The following CTNNA2 variants were observed in gnomAD, a reference collection of about 807,000 sequenced individuals.
CTNNA2 encodes the protein catenin alpha-2.
In CTNNA2, 42 loss-of-function variants were observed where a neutral mutation model predicts 101.0. The observed-to-expected ratio is 0.42, with a 90% CI of 0.32 to 0.54. The LOEUF (loss-of-function observed/expected upper bound fraction) is 0.54, where lower values mean the gene tolerates loss of function less well. Among genes scored for constraint, CTNNA2 ranks in the 20% least tolerant of loss-of-function variants. CTNNA2 has a pLI of 0.14. For missense variants in CTNNA2, 871 were observed against 1,223.1 expected (o/e 0.71, Z 4.29); for synonymous variants, 450 against 456.4 (o/e 0.99, Z 0.18).
chr2:79,310,630 T>G (rs1267165672), intron 2 of CTNNA2, among the ~76,000 whole-genome samples: 1 of 152,182 alleles, frequency 6.6e-6, no homozygotes, highest in East Asian at 1.9e-4. Context: ...GCAACCAATT[T>G]TTAGAAAACT....
At chr2:80,582,730 TTTG>T (rs1359131079) in intron 14 of CTNNA2, among the ~76,000 whole-genome samples, 14 of 152,276 alleles carry the variant, frequency 9.2e-5, no homozygotes, top group Admixed American at 2.6e-4. Flanking sequence ...TCTAATTTTC[TTTG>T]TTAAGTTTTA....
At chr2:79,682,492 A>G (rs968711886) in intron 2 of CTNNA2, among the ~76,000 whole-genome samples, 3 of 151,852 alleles carry the variant, frequency 2.0e-5, no homozygotes, top group Admixed American at 2.0e-4. Flanking sequence ...TTCTTTTGGC[A>G]AGACTTAAGA....
At chr2:79,690,720 G>C (rs566653917) in intron 2 of CTNNA2, among the ~76,000 whole-genome samples, 7 of 152,064 alleles carry the variant, frequency 4.6e-5, no homozygotes, top group South Asian at 4.1e-4. Context: ...GAGAACAGGT[G>C]GTGGAGCGAG....
chr2:80,271,395 A>T (rs310779), intron 7 of CTNNA2, among the ~76,000 whole-genome samples: 1 of 151,584 alleles, frequency 6.6e-6, no homozygotes, highest in Non-Finnish European at 1.5e-5. Context: ...ATTATACCAC[A>T]TTGACCAAGC....
intron 7 of CTNNA2, among the ~76,000 whole-genome samples, chr2:80,307,479 A>C (rs1677140050): frequency 6.6e-6 from 1 of 152,166 alleles, no homozygotes; most frequent in African/African-American, 2.4e-5. Context: ...AAAGGAAAAA[A>C]AGAAAAAAAA....
chr2:80,598,046 G>A (rs962695581), intron 15 of CTNNA2, among the ~76,000 whole-genome samples: 2 of 152,036 alleles, frequency 1.3e-5, no homozygotes, highest in African/African-American at 4.8e-5. Context: ...GCATAGACTT[G>A]GAACCAACTC....
At chr2:79,409,206 G>C (rs1242395169) in intron 4 of CTNNA2, among the ~76,000 whole-genome samples, 1 of 152,140 alleles carries the variant, frequency 6.6e-6, no homozygotes, top group African/African-American at 2.4e-5. Context: ...TTAGCCCTTT[G>C]TCAGATGAGT....
intron 2 of CTNNA2, among the ~76,000 whole-genome samples, chr2:79,739,071 G>GTT (rs76673709): frequency 4.3e-4 from 58 of 133,724 alleles, no homozygotes; most frequent in African/African-American, 1.3e-3. Flanking sequence ...GGACTTTGCT[G>GTT]TTTTTTTTTT....
chr2:79,546,694 A>G (rs941556796), intron 1 of CTNNA2, among the ~76,000 whole-genome samples: 1 of 152,200 alleles, frequency 6.6e-6, no homozygotes, highest in African/African-American at 2.4e-5. Flanking sequence ...AAAAACTACC[A>G]ACTGTCCCCA....
intron 7 of CTNNA2, among the ~76,000 whole-genome samples, chr2:80,238,849 A>C (rs1709684402): frequency 6.6e-6 from 1 of 152,226 alleles, no homozygotes. Context: ...TTCACGCCAC[A>C]GGGATAAATC....
intron 7 of CTNNA2, among the ~76,000 whole-genome samples, chr2:79,927,375 A>G (rs1239761458): frequency 1.3e-5 from 2 of 152,082 alleles, no homozygotes; most frequent in African/African-American, 2.4e-5. Context: ...TCCATGGGAG[A>G]TAAGAGGCCA....
intron 9 of CTNNA2, among the ~76,000 whole-genome samples, chr2:80,530,005 C>T (rs7558519): frequency 0.42 from 62,994 of 151,772 alleles, 13,337 homozygotes; most frequent in African/African-American, 0.46. Flanking sequence ...AGTGCAGCTG[C>T]GCCTTTCATC....
chr2:79,876,902 T>G (rs1358783809), intron 6 of CTNNA2, among the ~76,000 whole-genome samples: 1 of 152,122 alleles, frequency 6.6e-6, no homozygotes, highest in Non-Finnish European at 1.5e-5. Context: ...ATTTAACACA[T>G]GAATATAACC....
At chr2:80,219,320 A>G (rs986519645) in intron 7 of CTNNA2, among the ~76,000 whole-genome samples, 5 of 152,194 alleles carry the variant, frequency 3.3e-5, no homozygotes, top group Non-Finnish European at 5.9e-5. Flanking sequence ...AATATCTATA[A>G]TTCAACCAAA....
At chr2:79,633,224 C>T (rs1679809518) in intron 1 of CTNNA2, among the ~76,000 whole-genome samples, 1 of 152,142 alleles carries the variant, frequency 6.6e-6, no homozygotes, top group African/African-American at 2.4e-5. Context: ...AAGCGCTTTC[C>T]ATCCTTCTAC....
At chr2:79,564,959 C>T (rs534682948) in intron 1 of CTNNA2, among the ~76,000 whole-genome samples, 2 of 152,168 alleles carry the variant, frequency 1.3e-5, no homozygotes, top group Admixed American at 1.3e-4. Context: ...CTGCCTCTCT[C>T]AGTGAAATAG....
At chr2:79,287,075 C>T (rs1486174084) in intron 2 of CTNNA2, among the ~76,000 whole-genome samples, 10 of 152,312 alleles carry the variant, frequency 6.6e-5, no homozygotes, top group South Asian at 4.1e-4. Flanking sequence ...GCATTCTTCA[C>T]GTAGTTCTCG....
At chr2:80,532,043 C>G (rs1180588610) in intron 9 of CTNNA2, among the ~76,000 whole-genome samples, 1 of 152,058 alleles carries the variant, frequency 6.6e-6, no homozygotes, top group Admixed American at 6.6e-5. Flanking sequence ...AAGATGTGTT[C>G]CAATATGACT....
intron 6 of CTNNA2, among the ~76,000 whole-genome samples, chr2:79,894,328 C>T (rs1396928240): frequency 6.6e-6 from 1 of 150,674 alleles, no homozygotes; most frequent in Non-Finnish European, 1.5e-5. Context: ...GGTTGCCCTG[C>T]CCCCCGCCCC....
Sources: gnomAD v4.1 joint callset for allele counts (sites outside exome capture counted in the v4.1 genomes callset) on GRCh38, gnomAD v4.1.1 for gene constraint, MANE v1.5 for transcripts, NCBI Gene and HGNC (gene_info 2026-07-23, HGNC 2026-07-21) for gene names.